Variants in SMAP2 observed in about 807,000 individuals in gnomAD.
The protein encoded by SMAP2 is stromal membrane-associated protein 2.
SMAP2 carries 25 observed loss-of-function variants against 56.4 expected under a neutral mutation model. That is an observed-to-expected ratio of 0.44 (90% CI 0.32 to 0.62). The LOEUF is 0.62. Ranked by LOEUF, SMAP2 falls within the 20% of genes least tolerant of loss-of-function variation. The pLI, the probability that SMAP2 is intolerant of heterozygous loss-of-function variation, is 0.04. For synonymous variants in SMAP2, 157 were observed against 181.7 expected, an observed-to-expected ratio of 0.86 and a Z score of 1.09; for missense variants, 388 against 545.6, an observed-to-expected ratio of 0.71 and a Z score of 2.88.
At chr1:40,378,277 C>G (rs1324767463) in intron 1 of SMAP2, among the ~76,000 whole-genome samples, 1 of 152,112 alleles carries the variant, frequency 6.6e-6, no homozygotes, top group Admixed American at 6.6e-5. Context: ...GCGTGTGCCA[C>G]GGGGCCCAGC....
At chr1:40,348,833 C>A (rs918847478) in intron 1 of SMAP2, among the ~76,000 whole-genome samples, 10 of 151,790 alleles carry the variant, frequency 6.6e-5, no homozygotes, top group Non-Finnish European at 1.3e-4. Context: ...TATAGAGGTG[C>A]AATCTCTGCT....
chr1:40,375,714 T>C (rs913538883), intron 1 of SMAP2: 19 of 848,574 alleles, frequency 2.2e-5, no homozygotes, highest in Non-Finnish European at 2.7e-5. Context: ...TATCTTGGCT[T>C]TATTCAAATT....
intron 1 of SMAP2, among the ~76,000 whole-genome samples, chr1:40,406,284 C>T (rs554563304): frequency 2.0e-5 from 3 of 152,320 alleles, no homozygotes; most frequent in African/African-American, 7.2e-5. Flanking sequence ...TTTCAACACT[C>T]ATATTAGCAG....
chr1:40,422,297 T>A lies in SMAP2; in HGVS notation c.*196T>A. The A allele has an allele frequency of 3.0e-6, 2 of 661,268 alleles. No homozygotes were observed. Among genetic ancestry groups the A allele is most frequent in the Non-Finnish European group, 5.0e-6 (2 of 401,894 alleles). The allele number at this position is 661,268 out of a possible 1,614,324, so 41.0% of individuals were successfully genotyped here. On this transcript the variant is annotated 3_prime_UTR_variant, in exon 10 of 10. Coordinates refer to ENST00000372718, the MANE Select transcript of SMAP2 (RefSeq NM_022733.3). ...CCTCTCTGTTGCTTTATGTTGTACATGCCCCATAGCCATCCCAACGTCCTC... is the reference window on the plus strand; with the variant it reads ...CCTCTCTGTTGCTTTATGTTGTACAAGCCCCATAGCCATCCCAACGTCCTC...
At chr1:40,373,686 A>G (rs1051560174), upstream of SMAP2, 51 of 162,904 alleles carry the variant, frequency 3.1e-4, no homozygotes, top group Non-Finnish European at 6.2e-4. Context: ...CGAGCTGGGC[A>G]GGGTGGAGGT....
At chr1:40,406,033 A>G (rs1247769040) in intron 1 of SMAP2, among the ~76,000 whole-genome samples, 1 of 152,198 alleles carries the variant, frequency 6.6e-6, no homozygotes, top group African/African-American at 2.4e-5. Context: ...GTTGGGGGGA[A>G]GATAAACACA....
Position 40,417,092 on chromosome 1 carries a change from C to T in SMAP2, c.1160C>T (p.Thr387Ile), listed in dbSNP as rs1644996224. 5 of 1,594,676 alleles carry T rather than the reference C, an allele frequency of 3.1e-6. No individual in the cohort carries two copies. Among genetic ancestry groups the T allele is most frequent in the Non-Finnish European group, 4.3e-6 (5 of 1,164,614 alleles). ...QPAQQLQWNLTQMTQQMAGMN... is the reference protein window; with the variant it reads ...QPAQQLQWNLIQMTQQMAGMN... ...GCTCAGCAGCTGCAATGGAACCTTACTCAGGTAAGCTACCCCATTTTACTT... is the reference window on the plus strand; with the variant it reads ...GCTCAGCAGCTGCAATGGAACCTTATTCAGGTAAGCTACCCCATTTTACTT... The change falls in exon 9 of 10, where the codon ACT becomes ATT. Residue 387 changes from threonine to isoleucine, a missense_variant. Thr to Ile is a moderately conservative substitution (Grantham distance 89, BLOSUM62 -1). Coordinates refer to ENST00000372718, the MANE Select transcript of SMAP2 (RefSeq NM_022733.3).
chr1:40,352,971 T>G (rs888753426), intron 1 of SMAP2, among the ~76,000 whole-genome samples: 1 of 152,256 alleles, frequency 6.6e-6, no homozygotes, highest in Non-Finnish European at 1.5e-5. Context: ...AGACTACGTT[T>G]GCAGATGGAG....
chr1:40,399,491 C>CT lies in SMAP2; in HGVS notation c.104-7233dup, dbSNP rs1175925694. Among the ~76,000 whole-genome samples, 427 of 140,828 alleles carry CT rather than the reference C, an allele frequency of 3.0e-3. 2 individuals carry two copies. Among genetic ancestry groups the CT allele is most frequent in the African/African-American group, 4.2e-3 (163 of 38,642 alleles). 92.4% of individuals were successfully genotyped at this position (140,828 alleles called of 152,430 possible). A position where few individuals can be genotyped will look rare whatever the true frequency, so the allele number is the denominator to read the frequency against. On this transcript the variant is annotated intron_variant, in intron 1 of 9. Coordinates refer to ENST00000372718, the MANE Select transcript of SMAP2 (RefSeq NM_022733.3). ...TTTTTTTTTTCTTTTCTTTCTTTCTCTTTTTTTTTTTTCCTGACTCTTAAC... is the reference window on the plus strand; with the variant it reads ...TTTTTTTTTTCTTTTCTTTCTTTCTCTTTTTTTTTTTTTCCTGACTCTTAAC...
chr1:40,411,145 A>G (rs947710403), intron 4 of SMAP2, among the ~76,000 whole-genome samples: 4 of 152,226 alleles, frequency 2.6e-5, no homozygotes, highest in African/African-American at 7.2e-5. Context: ...TGTAATACAT[A>G]TAGTTAGGTA....
At chr1:40,393,284 G>T in intron 1 of SMAP2, 1 of 1,486,230 alleles carries the variant, frequency 6.7e-7, no homozygotes, top group South Asian at 1.3e-5. Context: ...TCTAGCTTGG[G>T]CAACAAAGCA....
chr1:40,373,147 C>A (rs1472560924), upstream of SMAP2, among the ~76,000 whole-genome samples: 1 of 152,164 alleles, frequency 6.6e-6, no homozygotes. Context: ...ACTGTCTGGG[C>A]ACCAGGCCAA....
Position 40,385,071 on chromosome 1 carries a change from A to G in SMAP2, c.103+10848A>G. Among the ~76,000 whole-genome samples the G allele has an allele frequency of 6.6e-6, 1 of 152,044 alleles. No individual in the cohort carries two copies. The highest frequency in any genetic ancestry group is 1.9e-4 in the East Asian group (1 of 5,186). On this transcript the variant is annotated intron_variant, in intron 1 of 9. Transcript: ENST00000372718. This position sits in a 1 kb window ranked among gnomAD's most constrained non-coding sequence, Gnocchi z 4.5. ...CAGTGGAAAGCCCCAGAGATGAGCC[A>G]GATCTGCCTCAGCTGTGGCCATCCG...
intron 1 of SMAP2, chr1:40,393,538 TAAC>T (rs1644738339): frequency 7.8e-7 from 1 of 1,277,766 alleles, no homozygotes; most frequent in Non-Finnish European, 1.1e-6. Context: ...GTAGTTCTTC[TAAC>T]TTTTTTTTTT....
At chr1:40,417,543 C>G (rs921648756) in intron 9 of SMAP2, among the ~76,000 whole-genome samples, 2 of 152,056 alleles carry the variant, frequency 1.3e-5, no homozygotes, top group African/African-American at 4.8e-5. Flanking sequence ...GCAATAATAC[C>G]ACAGATAAAG....
intron 1 of SMAP2, among the ~76,000 whole-genome samples, chr1:40,347,377 C>A (rs1322785870): frequency 6.6e-6 from 1 of 151,868 alleles, no homozygotes; most frequent in Non-Finnish European, 1.5e-5. Context: ...AGGCATGGCT[C>A]CTGGCCAAAT....
intron 1 of SMAP2, among the ~76,000 whole-genome samples, chr1:40,390,679 A>G (rs1366537142): frequency 1.3e-5 from 2 of 152,308 alleles, no homozygotes; most frequent in South Asian, 2.1e-4. Flanking sequence ...TTTAGTGACC[A>G]TTATTGAGCA....
intron 2 of SMAP2, among the ~76,000 whole-genome samples, chr1:40,362,859 G>A (rs574233013): frequency 1.6e-4 from 24 of 152,268 alleles, no homozygotes; most frequent in African/African-American, 5.8e-4. Context: ...GAATTCCAGG[G>A]TGATGATTAC....
At chr1:40,358,332 C>G (rs1055440253) in intron 1 of SMAP2, among the ~76,000 whole-genome samples, 1 of 151,758 alleles carries the variant, frequency 6.6e-6, no homozygotes, top group East Asian at 2.0e-4. Flanking sequence ...TACTTGAGGT[C>G]AGGAGATCGA....
Sources: gnomAD v4.1 joint callset for allele counts (sites outside exome capture counted in the v4.1 genomes callset) on GRCh38, gnomAD v4.1.1 for gene constraint, Gnocchi (gnomAD v3.1) non-coding constraint, MANE v1.5 for transcripts, NCBI Gene and HGNC (gene_info 2026-07-23, HGNC 2026-07-21) for gene names.